MAPK4: variants seen among roughly 807,000 people sequenced by gnomAD.
MAPK4 encodes Erk3-related.
In MAPK4, 22 loss-of-function variants were observed where a neutral mutation model predicts 47.7. That is an observed-to-expected ratio of 0.46 (90% CI 0.33 to 0.66). MAPK4 has a LOEUF of 0.66. MAPK4 is among the 30% of genes least tolerant of loss of function. The pLI, the probability that MAPK4 is intolerant of heterozygous loss-of-function variation, is 0.02. For missense variants in MAPK4, 736 were observed against 831.7 expected (o/e 0.88, Z 1.42); for synonymous variants, 390 against 365.7 (o/e 1.07, Z -0.76).
At chr18:50,617,773 C>T (rs1283588683) in intron 1 of MAPK4, among the ~76,000 whole-genome samples, 1 of 152,210 alleles carries the variant, frequency 6.6e-6, no homozygotes, top group Non-Finnish European at 1.5e-5. Context: ...TTTACTACTA[C>T]TTGTAAGAAG....
At chr18:50,726,280 C>T (rs1911195467) in intron 5 of MAPK4, 105 bp downstream of exon 5, 1 of 1,081,152 alleles carries the variant, frequency 9.2e-7, no homozygotes, top group African/African-American at 1.6e-5. Flanking sequence ...AGTTGCATAG[C>T]TCATTGGACG....
At chr18:50,721,314 C>T (rs747281374) in intron 3 of MAPK4, among the ~76,000 whole-genome samples, 2 of 152,160 alleles carry the variant, frequency 1.3e-5, no homozygotes, top group Non-Finnish European at 2.9e-5. Flanking sequence ...CGATAAATAA[C>T]TATTTATGGA....
In MAPK4 at chr18:50,593,180, G is replaced by C. The variant is rs74917981; in HGVS notation, c.-871+32937G>C. 2.8e-3 allele frequency among the ~76,000 whole-genome samples: 430 copies of C among 152,272 alleles called. 7 individuals are homozygous for C. In the East Asian group the frequency reaches 0.05, roughly 18 times the overall value. On this transcript the variant is annotated intron_variant, in intron 1 of 5. Coordinates refer to ENST00000400384, the MANE Select transcript of MAPK4 (RefSeq NM_002747.4). ...TTGTCTCTCTGATAAGACATCTCTAGTAATTAAGATTTTTTTCCTTTCTTA... is the reference window on the plus strand; with the variant it reads ...TTGTCTCTCTGATAAGACATCTCTACTAATTAAGATTTTTTTCCTTTCTTA...
At chr18:50,610,515 C>A (rs1211666067) in intron 1 of MAPK4, among the ~76,000 whole-genome samples, 1 of 152,222 alleles carries the variant, frequency 6.6e-6, no homozygotes, top group African/African-American at 2.4e-5. Context: ...GAGCAGCCCT[C>A]CTCCTGCCTT....
At position 50,729,638 on chromosome 18, in the gene MAPK4, C is replaced by T. The variant is rs1452090327; in HGVS notation, c.1548C>T (p.Arg516=). 6.7e-7 allele frequency: 1 copy of T among 1,483,164 alleles called. No homozygotes were observed. The highest frequency in any genetic ancestry group is 9.0e-7 in the Non-Finnish European group (1 of 1,114,644). The allele number at this position is 1,483,164 out of a possible 1,614,324, so 91.9% of individuals were successfully genotyped here. A position where few individuals can be genotyped will look rare whatever the true frequency, so the allele number is the denominator to read the frequency against. The change falls in exon 6 of 6, where the codon CGC becomes CGT. Residue 516 remains arginine, a synonymous_variant. Transcript: ENST00000400384. The part of the protein sequence containing the change: ...HASPPADDPE[R]RLSASPPGRP... Reference sequence around the variant, plus strand: ...GCCCGCCCGCCGACGACCCCGAGCGCCGCTTGTCTGCCTCGCCCCCCGGCC... The same window carrying T: ...GCCCGCCCGCCGACGACCCCGAGCGTCGCTTGTCTGCCTCGCCCCCCGGCC...
intron 1 of MAPK4, among the ~76,000 whole-genome samples, chr18:50,567,244 C>T (rs1368530893): frequency 6.6e-6 from 1 of 152,152 alleles, no homozygotes; most frequent in African/African-American, 2.4e-5. Flanking sequence ...TCCCCTAACC[C>T]CCACTCCCTG....
intron 1 of MAPK4, among the ~76,000 whole-genome samples, chr18:50,657,919 C>T (rs1895002762): frequency 6.6e-6 from 1 of 152,074 alleles, no homozygotes; most frequent in East Asian, 1.9e-4. Context: ...GAGGAGGAAG[C>T]AGGAACGTTT....
At chr18:50,621,135 A>G (rs2042728264) in intron 1 of MAPK4, among the ~76,000 whole-genome samples, 1 of 152,134 alleles carries the variant, frequency 6.6e-6, no homozygotes, top group East Asian at 1.9e-4. Context: ...CATTTTCCAG[A>G]TTAGGAAACT....
chr18:50,657,388 A>C (rs1457283487), intron 1 of MAPK4, among the ~76,000 whole-genome samples: 2 of 152,222 alleles, frequency 1.3e-5, no homozygotes, highest in Non-Finnish European at 2.9e-5. Flanking sequence ...GGTTGGGATC[A>C]GAGTTGTTAA....
intron 1 of MAPK4, among the ~76,000 whole-genome samples, chr18:50,591,653 T>TGGGG (rs1347110837): frequency 6.6e-6 from 1 of 151,664 alleles, no homozygotes; most frequent in Non-Finnish European, 1.5e-5. Flanking sequence ...CTTGAAGCAT[T>TGGGG]GGGAGTGTAA....
chr18:50,708,002 A>T (rs193203970), intron 2 of MAPK4, among the ~76,000 whole-genome samples: 21 of 152,286 alleles, frequency 1.4e-4, no homozygotes, highest in Non-Finnish European at 2.4e-4. Flanking sequence ...CGATTTCTTC[A>T]CCCATGTTTA....
At chr18:50,675,488 G>T (rs1908211440) in intron 2 of MAPK4, among the ~76,000 whole-genome samples, 4 of 150,174 alleles carry the variant, frequency 2.7e-5, no homozygotes, top group Non-Finnish European at 5.9e-5. Flanking sequence ...AGCTAATTTT[G>T]TTTTTATTTA....
intron 1 of MAPK4, among the ~76,000 whole-genome samples, chr18:50,566,691 C>T (rs747972151): frequency 1.6e-4 from 25 of 152,174 alleles, no homozygotes; most frequent in Non-Finnish European, 4.4e-5. Context: ...AAAATTGAGA[C>T]GGTTCAATTG....
At chr18:50,714,435 C>T (rs1764815639) in intron 2 of MAPK4, among the ~76,000 whole-genome samples, 3 of 152,180 alleles carry the variant, frequency 2.0e-5, no homozygotes, top group Non-Finnish European at 4.4e-5. Flanking sequence ...GAACATTTAT[C>T]CCCCAGAAAG....
chr18:50,657,000 G>T (rs2043117021), intron 1 of MAPK4, among the ~76,000 whole-genome samples: 1 of 152,146 alleles, frequency 6.6e-6, no homozygotes, highest in African/African-American at 2.4e-5. Context: ...TGCAGGCGTG[G>T]CTCAGCTCCT....
At chr18:50,584,934 A>G (rs1262325386) in intron 1 of MAPK4, among the ~76,000 whole-genome samples, 1 of 152,254 alleles carries the variant, frequency 6.6e-6, no homozygotes, top group Non-Finnish European at 1.5e-5. Flanking sequence ...GGAGCTGATG[A>G]TACCCACAGC....
intron 1 of MAPK4, among the ~76,000 whole-genome samples, chr18:50,594,867 A>G (rs1236729658): frequency 6.6e-6 from 1 of 152,230 alleles, no homozygotes; most frequent in African/African-American, 2.4e-5. Context: ...AAGAACTCCT[A>G]CTAATCAATA....
At chr18:50,607,126 T>C (rs2042589609) in intron 1 of MAPK4, among the ~76,000 whole-genome samples, 1 of 152,186 alleles carries the variant, frequency 6.6e-6, no homozygotes, top group Admixed American at 6.5e-5. Flanking sequence ...ATTCTCTTAG[T>C]CCTCATCATT....
At chr18:50,661,294 G>A (rs920026623) in intron 1 of MAPK4, among the ~76,000 whole-genome samples, 1 of 152,228 alleles carries the variant, frequency 6.6e-6, no homozygotes, top group South Asian at 2.1e-4. Context: ...ATGGAGAGCT[G>A]TGGAGGCTCT....
Sources: allele counts gnomAD v4.1 joint callset (sites outside exome capture counted in the v4.1 genomes callset), GRCh38; gene constraint gnomAD v4.1.1; transcripts MANE v1.5; gene names NCBI Gene and HGNC (gene_info 2026-07-23, HGNC 2026-07-21).